SCN7A: variants seen among roughly 807,000 people sequenced by gnomAD.
SCN7A encodes sodium channel protein type 7 subunit alpha.
Under a neutral mutation model 155.2 loss-of-function variants are expected in SCN7A, and 138 were observed. The observed-to-expected ratio is 0.89, with a 90% CI of 0.77 to 1.02. SCN7A has a LOEUF of 1.02. SCN7A is among the 50% of genes least tolerant of loss of function. The pLI, the probability that SCN7A is intolerant of heterozygous loss-of-function variation, is 0.00. For missense variants in SCN7A, 2,058 were observed against 1,986.6 expected (o/e 1.04, Z -0.68); for synonymous variants, 693 against 649.0 (o/e 1.07, Z -1.03).
At chr2:166,427,189 T>C (rs1344086167) in intron 18 of SCN7A, among the ~76,000 whole-genome samples, 1 of 152,108 alleles carries the variant, frequency 6.6e-6, no homozygotes, top group East Asian at 1.9e-4. Context: ...TTTTTCATAG[T>C]ATAAAGTCAG....
chr2:166,449,724 G>T (rs1044036531), intron 11 of SCN7A, among the ~76,000 whole-genome samples: 3 of 151,860 alleles, frequency 2.0e-5, no homozygotes, highest in African/African-American at 7.3e-5. Flanking sequence ...TTAGAGAAAA[G>T]AAAGTCAAAA....
intron 18 of SCN7A, among the ~76,000 whole-genome samples, chr2:166,426,738 G>A (rs1383247388): frequency 6.6e-6 from 1 of 152,086 alleles, no homozygotes; most frequent in Non-Finnish European, 1.5e-5. Context: ...GGGTAAGAGT[G>A]TTGTTCTGGC....
chr2:166,455,600 C>T (rs184354990), intron 11 of SCN7A, among the ~76,000 whole-genome samples: 23 of 152,122 alleles, frequency 1.5e-4, no homozygotes, highest in East Asian at 9.7e-4. Flanking sequence ...GGGTACCAAA[C>T]GCTACCTGGG....
At chr2:166,460,768 G>T (rs181117169) in intron 10 of SCN7A, among the ~76,000 whole-genome samples, 286 of 152,228 alleles carry the variant, frequency 1.9e-3, no homozygotes, top group Non-Finnish European at 3.0e-3. Context: ...ATTAAACAGA[G>T]AGTATATATT....
intron 2 of SCN7A, among the ~76,000 whole-genome samples, chr2:166,479,865 T>A (rs894164144): frequency 3.3e-5 from 5 of 152,236 alleles, no homozygotes; most frequent in Non-Finnish European, 5.9e-5. Context: ...TACAAGGAAA[T>A]TTTAAAGGGA....
chr2:166,460,816 A>G (rs2105473933), intron 10 of SCN7A, among the ~76,000 whole-genome samples: 1 of 152,274 alleles, frequency 6.6e-6, no homozygotes, highest in Admixed American at 6.5e-5. Flanking sequence ...ATGTAGGCAG[A>G]TGAGACCTTG....
chr2:166,435,456 A>G (rs1323433733), intron 15 of SCN7A, among the ~76,000 whole-genome samples: 1 of 152,128 alleles, frequency 6.6e-6, no homozygotes, highest in African/African-American at 2.4e-5. Context: ...TATAAAACAA[A>G]ACTTTTTAAA....
intron 25 of SCN7A, among the ~76,000 whole-genome samples, chr2:166,407,601 A>G (rs1701103210): frequency 6.6e-6 from 1 of 151,926 alleles, no homozygotes. Context: ...TCTGACCCAA[A>G]TTCTCATTTC....
chr2:166,475,098 A>G (rs1410990702), intron 3 of SCN7A, among the ~76,000 whole-genome samples: 1 of 84,870 alleles, frequency 1.2e-5, no homozygotes, highest in African/African-American at 4.3e-5. Context: ...ATATACACAT[A>G]TATATGTATA....
chr2:166,492,240 T>C (rs1683130015), intron 1 of SCN7A, among the ~76,000 whole-genome samples: 1 of 152,096 alleles, frequency 6.6e-6, no homozygotes, highest in South Asian at 2.1e-4. Context: ...ATGACCCCTT[T>C]TCCTGAGCCC....
intron 15 of SCN7A, chr2:166,441,056 T>C (rs907257998): frequency 1.9e-5 from 7 of 374,786 alleles, no homozygotes; most frequent in African/African-American, 1.5e-4. Flanking sequence ...TTTCAGACCA[T>C]GGCTGACCAC....
At position 166,472,347 on chromosome 2, in the gene SCN7A, T is replaced by C; in HGVS notation, c.542A>G (p.Asn181Ser). 1 of 1,608,624 alleles carries C rather than the reference T, an allele frequency of 6.2e-7. No individual in the cohort carries two copies. Among genetic ancestry groups the C allele is most frequent in the Non-Finnish European group, 8.5e-7 (1 of 1,176,750 alleles). ...CACAGTTACGCTGAAATCGAGCCAG[T>C]TCCATGGATCACCGAGGAAGGAAAA... ...GSFSFLGDPW[N>S]WLDFSVTVFE... The change falls in exon 6 of 26, where the codon AAC (asparagine) becomes AGC (serine). Residue 181 changes from asparagine (N) to serine (S), a missense_variant. By Grantham distance (46) the Asn-to-Ser change is conservative. Coordinates refer to ENST00000643258, the MANE Select transcript of SCN7A (RefSeq NM_002976.4).
chr2:166,441,300 G>T, intron 15 of SCN7A, 96 bp downstream of exon 15: 2 of 841,712 alleles, frequency 2.4e-6, no homozygotes, highest in Non-Finnish European at 3.6e-6. Context: ...GACTACCACA[G>T]TTACAGACCA....
intron 20 of SCN7A, among the ~76,000 whole-genome samples, chr2:166,417,244 C>T (rs560548591): frequency 1.1e-4 from 16 of 152,216 alleles, no homozygotes; most frequent in South Asian, 4.1e-4. Context: ...GAGGCTGAGG[C>T]GGGTGGATCA....
intron 15 of SCN7A, among the ~76,000 whole-genome samples, chr2:166,435,703 A>C (rs1234151650): frequency 1.3e-5 from 2 of 152,188 alleles, no homozygotes; most frequent in African/African-American, 2.4e-5. Context: ...ATTTGGGATT[A>C]TACAAATATA....
intron 14 of SCN7A, among the ~76,000 whole-genome samples, chr2:166,442,589 G>A (rs939017569): frequency 1.3e-5 from 2 of 151,764 alleles, no homozygotes; most frequent in Non-Finnish European, 2.9e-5. Context: ...GTCTCACTAT[G>A]TTGCCCAGGC....
At chr2:166,420,142 TA>T (rs1701480973) in intron 20 of SCN7A, among the ~76,000 whole-genome samples, 1 of 152,024 alleles carries the variant, frequency 6.6e-6, no homozygotes, top group Non-Finnish European at 1.5e-5. Context: ...ATAAAATACA[TA>T]TTTAAAATCA....
intron 15 of SCN7A, among the ~76,000 whole-genome samples, chr2:166,437,208 C>T (rs1177238673): frequency 2.0e-5 from 3 of 152,170 alleles, no homozygotes; most frequent in African/African-American, 7.2e-5. Flanking sequence ...GACCTGGTGC[C>T]CAGTGTCCCA....
chr2:166,447,326 TTAA>T (rs977621692), intron 12 of SCN7A, among the ~76,000 whole-genome samples: 16 of 152,310 alleles, frequency 1.1e-4, no homozygotes, highest in African/African-American at 3.8e-4. Context: ...CCTTGAGATA[TTAA>T]TGTTATATAC....
Sources: allele counts gnomAD v4.1 joint callset (sites outside exome capture counted in the v4.1 genomes callset), GRCh38; gene constraint gnomAD v4.1.1; transcripts MANE v1.5; gene names NCBI Gene and HGNC (gene_info 2026-07-23, HGNC 2026-07-21).